Variants in ERICH5 observed in about 807,000 individuals in gnomAD.
ERICH5 encodes the protein glutamate-rich protein 5.
Under a neutral mutation model 28.0 loss-of-function variants are expected in ERICH5, and 24 were observed. The ratio of observed to expected loss-of-function variants is 0.86; its 90% CI spans 0.62 to 1.21. ERICH5 has a LOEUF of 1.21. Ranked by LOEUF, ERICH5 falls within the 50% of genes most tolerant of loss-of-function variation. ERICH5 has a pLI of 0.00. For missense variants in ERICH5, 421 were observed against 441.2 expected, an observed-to-expected ratio of 0.95 and a Z score of 0.41; for synonymous variants, 163 against 157.6, an observed-to-expected ratio of 1.03 and a Z score of -0.25.
chr8:98,065,984 A>G (rs1263992132), intron 1 of ERICH5, among the ~76,000 whole-genome samples: 3 of 152,212 alleles, frequency 2.0e-5, no homozygotes, highest in African/African-American at 7.2e-5. Context: ...TCTAGTTTCC[A>G]TAGATAACGG....
At chr8:98,067,188 G>A (rs1814833592) in intron 1 of ERICH5, among the ~76,000 whole-genome samples, 1 of 152,126 alleles carries the variant, frequency 6.6e-6, no homozygotes. Context: ...TAATCCCAAT[G>A]GCTCTGGAGG....
At chr8:98,073,677 G>A (rs1814993902) in intron 1 of ERICH5, among the ~76,000 whole-genome samples, 1 of 148,256 alleles carries the variant, frequency 6.7e-6, no homozygotes, top group Non-Finnish European at 1.5e-5. Flanking sequence ...GGAGTAGCTG[G>A]GATTACAGAC....
intron 1 of ERICH5, among the ~76,000 whole-genome samples, chr8:98,073,542 A>T: frequency 2.5e-5 from 1 of 39,502 alleles, no homozygotes; most frequent in Non-Finnish European, 4.4e-5. Context: ...ATATATATAT[A>T]TATAATTTTT....
intron 1 of ERICH5, among the ~76,000 whole-genome samples, chr8:98,072,082 A>C (rs1422515858): frequency 1.3e-5 from 2 of 151,982 alleles, no homozygotes; most frequent in African/African-American, 2.4e-5. Flanking sequence ...AAAACCCCCT[A>C]GGAATTAAAC....
At chr8:98,086,308 C>T (rs971559081) in intron 1 of ERICH5, among the ~76,000 whole-genome samples, 45 of 152,166 alleles carry the variant, frequency 3.0e-4, no homozygotes, top group African/African-American at 1.1e-3. Context: ...CTGAGAACCA[C>T]CCCTGATACC....
chr8:98,093,453 G>A lies in ERICH5; in HGVS notation c.*120G>A. 1 of 618,238 alleles carries A rather than the reference G, an allele frequency of 1.6e-6. No homozygotes were observed. The allele number at this position is 618,238 out of a possible 1,614,324, so 38.3% of individuals were successfully genotyped here. A position where few individuals can be genotyped will look rare whatever the true frequency, so the allele number is the denominator to read the frequency against. On this transcript the variant is annotated 3_prime_UTR_variant, in exon 3 of 3. Transcript: ENST00000318528. ...GTTTTCTGTAAGGAGTGTGGTTATAGAGAGACTGTTGGAACCATGAGAAGG... is the reference window on the plus strand; with the variant it reads ...GTTTTCTGTAAGGAGTGTGGTTATAAAGAGACTGTTGGAACCATGAGAAGG...
At chr8:98,092,377 G>C (rs898419423) in intron 2 of ERICH5, among the ~76,000 whole-genome samples, 1 of 152,068 alleles carries the variant, frequency 6.6e-6, no homozygotes, top group Non-Finnish European at 1.5e-5. Flanking sequence ...TGGCCAGGCC[G>C]GTCTCAGACC....
intron 1 of ERICH5, among the ~76,000 whole-genome samples, chr8:98,070,083 G>A (rs931186745): frequency 6.6e-6 from 1 of 152,134 alleles, no homozygotes; most frequent in Non-Finnish European, 1.5e-5. Flanking sequence ...GGTCTAGTAA[G>A]CCTACTTACT....
At chr8:98,090,437 T>C (rs1394375409) in intron 2 of ERICH5, among the ~76,000 whole-genome samples, 1 of 152,138 alleles carries the variant, frequency 6.6e-6, no homozygotes, top group East Asian at 1.9e-4. Context: ...TCTTAGAATG[T>C]TATTTTCATC....
intron 1 of ERICH5, among the ~76,000 whole-genome samples, chr8:98,085,180 A>T (rs1815252180): frequency 1.1e-4 from 6 of 52,830 alleles, no homozygotes; most frequent in East Asian, 9.3e-4. Flanking sequence ...TTTTTTTTTG[A>T]GACGGAGTCT....
chr8:98,079,969 T>A (rs1456176602), intron 1 of ERICH5, among the ~76,000 whole-genome samples: 2 of 152,214 alleles, frequency 1.3e-5, no homozygotes. Context: ...TGTTGCAAGT[T>A]AGCTTTTCTG....
chr8:98,075,585 C>T (rs1815034658), intron 1 of ERICH5, among the ~76,000 whole-genome samples: 1 of 152,094 alleles, frequency 6.6e-6, no homozygotes, highest in Non-Finnish European at 1.5e-5. Context: ...AGCAATCAGT[C>T]AGCGGAAAGA....
intron 1 of ERICH5, among the ~76,000 whole-genome samples, chr8:98,075,899 C>G (rs1298405928): frequency 6.7e-6 from 1 of 148,714 alleles, no homozygotes; most frequent in Non-Finnish European, 1.5e-5. Context: ...AGCCACCGTG[C>G]CTGGCCACAG....
At chr8:98,068,032 T>TA (rs1454341101) in intron 1 of ERICH5, among the ~76,000 whole-genome samples, 1 of 152,050 alleles carries the variant, frequency 6.6e-6, no homozygotes, top group Non-Finnish European at 1.5e-5. Context: ...ATTTTTTATT[T>TA]AAAAAATTGA....
Position 98,073,635 on chromosome 8 carries a change from C to T in ERICH5, c.58+8908C>T, listed in dbSNP as rs1359667441. Among the ~76,000 whole-genome samples, 9 of 146,008 alleles carry T rather than the reference C, an allele frequency of 6.2e-5. No homozygotes were observed. The South Asian group carries it at 8.9e-4, about 14-fold the overall frequency. ...TTGGCTTACTGCAACCTCCTTCTCC[C>T]GGGTTCAAGTGATTCTCCTGCATCA... On this transcript the variant is annotated intron_variant, in intron 1 of 2. Transcript: ENST00000318528.
chr8:98,083,660 A>G (rs760285223), intron 1 of ERICH5, among the ~76,000 whole-genome samples: 1 of 152,124 alleles, frequency 6.6e-6, no homozygotes, highest in Non-Finnish European at 1.5e-5. Flanking sequence ...AGGAACCTCT[A>G]TGTAAAACTA....
rs1185025027 is a variant in ERICH5, at chr8:98,073,432, CTATATATATATATATATATATA to C, written c.58+8711_58+8732del. Among the ~76,000 whole-genome samples, 26 of 15,052 alleles carry C rather than the reference CTATATATATATATATATATATA, an allele frequency of 1.7e-3. 8 individuals carry two copies. The highest frequency in any genetic ancestry group is 0.016 in the South Asian group (2 of 122). 9.9% of individuals were successfully genotyped at this position (15,052 alleles called of 152,430 possible). ...TCTCTCTCTCTCTCTCTCTCTCTCTCTATATATATATATATATATATATATATGTATATATATATATATATAT... is the reference window on the plus strand; with the variant it reads ...TCTCTCTCTCTCTCTCTCTCTCTCTCTATATGTATATATATATATATATAT... On this transcript the variant is annotated intron_variant, in intron 1 of 2. Coordinates refer to ENST00000318528, the MANE Select transcript of ERICH5 (RefSeq NM_173549.3).
At chr8:98,069,322 C>T (rs1346777576) in intron 1 of ERICH5, among the ~76,000 whole-genome samples, 1 of 151,988 alleles carries the variant, frequency 6.6e-6, no homozygotes, top group African/African-American at 2.4e-5. Flanking sequence ...CCTTCCACCC[C>T]ATCCTCATCA....
At chr8:98,065,769 T>C (rs1414006562) in intron 1 of ERICH5, among the ~76,000 whole-genome samples, 4 of 152,216 alleles carry the variant, frequency 2.6e-5, no homozygotes, top group Non-Finnish European at 2.9e-5. Flanking sequence ...AGGCGAACTT[T>C]AGCGGGGATT....
Sources: gnomAD v4.1 joint callset for allele counts (sites outside exome capture counted in the v4.1 genomes callset) on GRCh38, gnomAD v4.1.1 for gene constraint, MANE v1.5 for transcripts, NCBI Gene and HGNC (gene_info 2026-07-23, HGNC 2026-07-21) for gene names.